Variants in RPS6KA6 observed in about 807,000 individuals in gnomAD.
RPS6KA6 encodes ribosomal protein S6 kinase A6, also known as ribosomal protein S6 kinase alpha-6.
A neutral mutation model predicts 65.4 loss-of-function variants in RPS6KA6; 27 were observed. The observed-to-expected ratio is 0.41, with a 90% CI of 0.30 to 0.57. The LOEUF (loss-of-function observed/expected upper bound fraction) is 0.57, where lower values mean the gene tolerates loss of function less well. Ranked by LOEUF, RPS6KA6 falls within the 20% of genes least tolerant of loss-of-function variation. The pLI is 0.24. For synonymous variants in RPS6KA6, 190 were observed against 184.2 expected (o/e 1.03, Z -0.26); for missense variants, 486 against 555.6 (o/e 0.87, Z 1.26).
chrX:84,138,557 A>G (rs1274479389), intron 6 of RPS6KA6, among the ~76,000 whole-genome samples: 7 of 112,232 alleles, frequency 6.2e-5, no homozygotes, highest in Non-Finnish European at 1.3e-4. Flanking sequence ...GTCTCAAAAA[A>G]CAAACAAACA....
chrX:84,147,566 CCT>C (rs2035221387), intron 4 of RPS6KA6, among the ~76,000 whole-genome samples: 1 of 111,643 alleles, frequency 9.0e-6, no homozygotes, highest in Non-Finnish European at 1.9e-5. Context: ...CCCACCTCAG[CCT>C]CTCAAACTGC....
chrX:84,164,490 TCCACACTTAC>T lies in RPS6KA6; in HGVS notation c.82-113_82-104del, dbSNP rs1190471106. The stretch of plus-strand genomic sequence containing the variant: ...CATTTCCTTCCACAATCTAACAAGA[TCCACACTTAC>T]TGAAAAACAAAAGGACAAAGGACAC... On this transcript the variant is annotated intron_variant, in intron 1 of 21. Coordinates refer to ENST00000262752, the MANE Select transcript of RPS6KA6 (RefSeq NM_014496.5). 7.4e-6 allele frequency: 4 copies of T among 538,293 alleles called. No homozygotes were observed. In the East Asian group the frequency reaches 1.4e-4, roughly 19 times the overall value. The allele number at this position is 538,293 out of a possible 1,213,427, so 44.4% of individuals were successfully genotyped here. A position where few individuals can be genotyped will look rare whatever the true frequency, so the allele number is the denominator to read the frequency against.
At chrX:84,132,725 TATCCACTCTC>T (rs1384802796) in intron 8 of RPS6KA6, among the ~76,000 whole-genome samples, 2 of 106,897 alleles carry the variant, frequency 1.9e-5, no homozygotes, top group Non-Finnish European at 3.9e-5. Context: ...TCTTTGGGAA[TATCCACTCTC>T]ATCCACTCTC....
intron 3 of RPS6KA6, among the ~76,000 whole-genome samples, chrX:84,154,945 A>C (rs1232255612): frequency 1.8e-5 from 2 of 112,089 alleles, no homozygotes; most frequent in Admixed American, 1.9e-4. Flanking sequence ...GCGTTCAATA[A>C]ATGTCTTTCC....
Position 84,075,373 on chromosome X carries a change from A to G in RPS6KA6, c.1972-10262T>C, listed in dbSNP as rs111858080. On this transcript the variant is annotated intron_variant, in intron 20 of 21. Transcript: ENST00000262752. Reference sequence around the variant, plus strand: ...AAGAAACACGAGAGTATAGAACAACAAAAGAGCAGTTTGAGTGAGCTGTGA... The same window carrying G: ...AAGAAACACGAGAGTATAGAACAACGAAAGAGCAGTTTGAGTGAGCTGTGA... Among the ~76,000 whole-genome samples the G allele has an allele frequency of 7.2e-3, 806 of 112,228 alleles. 6 individuals are homozygous for G. The highest frequency in any genetic ancestry group is 0.024 in the African/African-American group (753 of 30,864).
chrX:84,148,245 C>A (rs1018240641), intron 3 of RPS6KA6, 122 bp from the exon 4 acceptor site: 54 of 410,955 alleles, frequency 1.3e-4, no homozygotes, highest in Non-Finnish European at 2.2e-4. Context: ...AAACATATGC[C>A]TTCCCATAGA....
At chrX:84,151,050 GGATA>G (rs1348132247) in intron 3 of RPS6KA6, among the ~76,000 whole-genome samples, 3 of 94,596 alleles carry the variant, frequency 3.2e-5, no homozygotes, top group Non-Finnish European at 6.2e-5. Context: ...TATATATAGA[GGATA>G]GATATATAGA....
chrX:84,063,501 T>A lies in RPS6KA6; in HGVS notation c.*776A>T, dbSNP rs1054668128. Reference sequence around the variant, plus strand: ...CTTAACTATGACCTATTTATAAGATTACACCAACAGTATAAAGCCTTTGGA... The same window carrying A: ...CTTAACTATGACCTATTTATAAGATAACACCAACAGTATAAAGCCTTTGGA... On this transcript the variant is annotated 3_prime_UTR_variant, in exon 22 of 22. Coordinates refer to ENST00000262752, the MANE Select transcript of RPS6KA6 (RefSeq NM_014496.5). The A allele has an allele frequency of 9.0e-6, 1 of 111,393 alleles. No homozygotes were observed. Among genetic ancestry groups the A allele is most frequent in the African/African-American group, 3.3e-5 (1 of 30,697 alleles). The allele number at this position is 111,393 out of a possible 1,213,427, so 9.2% of individuals were successfully genotyped here. A position where few individuals can be genotyped will look rare whatever the true frequency, so the allele number is the denominator to read the frequency against.
chrX:84,172,248 A>G (rs1478691910), intron 1 of RPS6KA6, among the ~76,000 whole-genome samples: 1 of 111,896 alleles, frequency 8.9e-6, no homozygotes, highest in Non-Finnish European at 1.9e-5. Context: ...TCCTTTGGGT[A>G]TATACCCATT....
chrX:84,076,746 T>C (rs1230572159), intron 20 of RPS6KA6, among the ~76,000 whole-genome samples: 1 of 111,529 alleles, frequency 9.0e-6, no homozygotes, highest in African/African-American at 3.3e-5. Flanking sequence ...AACAAGAATG[T>C]GCATTCTTTC....
chrX:84,109,630 C>T (rs190227974), intron 12 of RPS6KA6, among the ~76,000 whole-genome samples: 120 of 110,869 alleles, frequency 1.1e-3, no homozygotes, highest in Non-Finnish European at 1.9e-3. Context: ...GTTTTGTAGG[C>T]CCTTCTGAGA....
At chrX:84,115,675 T>C (rs1481094553) in intron 12 of RPS6KA6, among the ~76,000 whole-genome samples, 1 of 111,814 alleles carries the variant, frequency 8.9e-6, no homozygotes, top group East Asian at 2.8e-4. Context: ...CACAGCACTG[T>C]TCACAATAGC....
At chrX:84,110,140 T>C (rs1246834796) in intron 12 of RPS6KA6, among the ~76,000 whole-genome samples, 2 of 112,018 alleles carry the variant, frequency 1.8e-5, no homozygotes, top group African/African-American at 6.5e-5. Flanking sequence ...GGCTATCAGC[T>C]ATACTGCGGT....
chrX:84,140,587 A>C (rs1199539956), intron 6 of RPS6KA6, among the ~76,000 whole-genome samples: 1 of 107,737 alleles, frequency 9.3e-6, no homozygotes, highest in Non-Finnish European at 1.9e-5. Flanking sequence ...AAATACAAGA[A>C]TTAGCCGGGC....
Position 84,120,721 on chromosome X carries a change from G to A in RPS6KA6, c.647-694C>T, listed in dbSNP as rs184944470. 2.3e-3 allele frequency among the ~76,000 whole-genome samples: 257 copies of A among 111,457 alleles called. 2 individuals carry two copies. Among genetic ancestry groups the A allele is most frequent in the Non-Finnish European group, 4.1e-3 (219 of 52,961 alleles). ...AATTGGACGATTTAATGTTGTTAAG[G>A]TATCAATTCTCCCCAAACTGATATA... On this transcript the variant is annotated intron_variant, in intron 8 of 21. Coordinates refer to ENST00000262752, the MANE Select transcript of RPS6KA6 (RefSeq NM_014496.5).
rs181974597 is a variant in RPS6KA6 at position 84,151,965 on chromosome X, T to G, written c.259-3842A>C. On this transcript the variant is annotated intron_variant, in intron 3 of 21. Coordinates refer to ENST00000262752, the MANE Select transcript of RPS6KA6 (RefSeq NM_014496.5). The stretch of plus-strand genomic sequence containing the variant: ...GTCCAGGGGTACGGAGACCACAATT[T>G]CAGAACCACTCTTACAAAACATAGC... Among the ~76,000 whole-genome samples the G allele has an allele frequency of 2.9e-4, 32 of 110,953 alleles. No individual in the cohort carries two copies. The East Asian group carries it at 6.6e-3, about 23-fold the overall frequency.
intron 20 of RPS6KA6, among the ~76,000 whole-genome samples, chrX:84,065,729 A>G (rs935598764): frequency 1.8e-5 from 2 of 112,347 alleles, no homozygotes; most frequent in African/African-American, 6.5e-5. Context: ...AGTTTTCAAT[A>G]TATTAAGAGA....
intron 20 of RPS6KA6, among the ~76,000 whole-genome samples, chrX:84,074,956 C>A (rs1016826172): frequency 8.9e-6 from 1 of 111,779 alleles, no homozygotes; most frequent in Non-Finnish European, 1.9e-5. Flanking sequence ...GACTCAAGGC[C>A]GGGCATGGTG....
intron 1 of RPS6KA6, among the ~76,000 whole-genome samples, chrX:84,178,439 A>T (rs1671081373): frequency 1.8e-5 from 2 of 112,136 alleles, no homozygotes. Flanking sequence ...TAATGACTGC[A>T]AAGAAAATAT....
Sources: allele counts gnomAD v4.1 joint callset (sites outside exome capture counted in the v4.1 genomes callset), GRCh38; gene constraint gnomAD v4.1.1; transcripts MANE v1.5; gene names NCBI Gene and HGNC (gene_info 2026-07-23, HGNC 2026-07-21).